Variants in EHMT1 observed in about 807,000 individuals in gnomAD.
EHMT1 encodes euchromatic histone lysine methyltransferase 1.
A neutral mutation model predicts 147.2 loss-of-function variants in EHMT1; 15 were observed. The ratio of observed to expected loss-of-function variants is 0.10; its 90% confidence interval spans 0.07 to 0.16. The LOEUF (loss-of-function observed/expected upper bound fraction) is 0.16. EHMT1 is among the 10% of genes least tolerant of loss of function. The pLI is 1.00. For missense variants in EHMT1, 1,587 were observed against 1,772.4 expected, an observed-to-expected ratio of 0.90 and a Z score of 1.88; for synonymous variants, 795 against 709.6, an observed-to-expected ratio of 1.12 and a Z score of -1.91.
In EHMT1 at chr9:137,834,821, C is replaced by T; in HGVS notation, c.3765C>T (p.Ser1255=). 6.2e-7 allele frequency: 1 copy of T among 1,612,730 alleles called. No homozygotes were observed. Among genetic ancestry groups the T allele is most frequent in the East Asian group, 2.2e-5 (1 of 44,850 alleles). The change falls in exon 27 of 27, where the codon AGC becomes AGT. Residue 1255 remains serine, a synonymous_variant. Coordinates refer to ENST00000460843, the MANE Select transcript of EHMT1 (RefSeq NM_024757.5). ...GGGACATCAAAGGCAAGCTCTTCAG[C>T]TGCCGCTGCGGCTCCCCCAAGTGCC... is the stretch of plus-strand genomic sequence containing the variant. ...RFWDIKGKLF[S]CRCGSPKCRH...
In EHMT1 at chr9:137,811,076, A is replaced by C. The variant is rs575700927; in HGVS notation, c.2713-385A>C. Among the ~76,000 whole-genome samples, 3 of 152,108 alleles carry C rather than the reference A, an allele frequency of 2.0e-5. No individual in the cohort carries two copies. The East Asian group carries it at 5.8e-4, about 29-fold the overall frequency. ...AAGCATTATCCTATCCTATGACTAT[A>C]CCCCTGCTTGGAAATGAATATAATT... is the stretch of plus-strand genomic sequence containing the variant. On this transcript the variant is annotated intron_variant, in intron 18 of 26. Coordinates refer to ENST00000460843, the MANE Select transcript of EHMT1 (RefSeq NM_024757.5).
chr9:137,800,873 C>T lies in EHMT1; in HGVS notation c.2608-7C>T, dbSNP rs1953421064. 1 of 1,613,796 alleles carries T rather than the reference C, an allele frequency of 6.2e-7. No homozygotes were observed. The highest frequency in any genetic ancestry group is 8.5e-7 in the Non-Finnish European group (1 of 1,179,826). On this transcript the variant is annotated splice_polypyrimidine_tract_variant and splice_region_variant and intron_variant, in intron 17 of 26. Coordinates refer to ENST00000460843, the MANE Select transcript of EHMT1 (RefSeq NM_024757.5). The stretch of plus-strand genomic sequence containing the variant: ...AGCGATGACAGCTTTGTCCTCTTCC[C>T]TGGCAGGATGACGGAGGCTGGACAC...
At chr9:137,635,513 C>T (rs1241685736) in intron 1 of EHMT1, among the ~76,000 whole-genome samples, 1 of 150,952 alleles carries the variant, frequency 6.6e-6, no homozygotes, top group East Asian at 2.1e-4. Context: ...CTGCGCTCGG[C>T]CTTCAGTTTT....
intron 25 of EHMT1, among the ~76,000 whole-genome samples, chr9:137,820,529 A>G (rs1211044236): frequency 6.6e-6 from 1 of 152,182 alleles, no homozygotes; most frequent in East Asian, 1.9e-4. Flanking sequence ...GTCTTTTTCT[A>G]AATACTGGGT....
chr9:137,677,616 G>A (rs1271449794), intron 1 of EHMT1, among the ~76,000 whole-genome samples: 2 of 151,964 alleles, frequency 1.3e-5, no homozygotes, highest in South Asian at 2.1e-4. Context: ...TAGTAGAGAC[G>A]GGGTTTCATC....
At chr9:137,686,507 A>G (rs1251421374) in intron 1 of EHMT1, among the ~76,000 whole-genome samples, 1 of 151,714 alleles carries the variant, frequency 6.6e-6, no homozygotes, top group Non-Finnish European at 1.5e-5. Context: ...CTTTCACCTC[A>G]GCCTCCTGAG....
At position 137,775,654 on chromosome 9, in the gene EHMT1, T is replaced by C. The variant is rs562893498; in HGVS notation, c.1791+402T>C. 8.6e-5 allele frequency among the ~76,000 whole-genome samples: 13 copies of C among 151,960 alleles called. No individual in the cohort carries two copies. In the East Asian group the frequency reaches 1.8e-3, roughly 21 times the overall value. Reference sequence around the variant, plus strand: ...CTGTACTGAGGACGTTCATCCCCCATGACAAGGGTGTACTGAGGACATTCA... The same window carrying C: ...CTGTACTGAGGACGTTCATCCCCCACGACAAGGGTGTACTGAGGACATTCA... On this transcript the variant is annotated intron_variant, in intron 11 of 26. Transcript: ENST00000460843. The surrounding 1 kb of genome is among the most constrained non-coding windows in gnomAD (Gnocchi z 6.1).
chr9:137,651,696 G>A (rs540759239), intron 1 of EHMT1, among the ~76,000 whole-genome samples: 1 of 152,286 alleles, frequency 6.6e-6, no homozygotes, highest in African/African-American at 2.4e-5. Context: ...TTGGGAGGCT[G>A]AGGCAGGAGA....
intron 3 of EHMT1, among the ~76,000 whole-genome samples, chr9:137,726,527 G>A (rs1056621602): frequency 5.0e-4 from 75 of 148,766 alleles, no homozygotes; most frequent in African/African-American, 1.9e-3. Context: ...CCCGACAGCC[G>A]ACCCTCGGGT....
At chr9:137,794,291 AAATAT>A (rs1255126769) in intron 16 of EHMT1, among the ~76,000 whole-genome samples, 2 of 152,216 alleles carry the variant, frequency 1.3e-5, no homozygotes, top group Non-Finnish European at 2.9e-5. Context: ...TTTTATAGTT[AAATAT>A]TTGCACATTA....
chr9:137,704,316 C>T (rs892532061), intron 1 of EHMT1, among the ~76,000 whole-genome samples: 1 of 152,252 alleles, frequency 6.6e-6, no homozygotes, highest in African/African-American at 2.4e-5. Context: ...GGAAGGAGCT[C>T]ACTGAGCTCG....
At chr9:137,762,635 T>G in intron 9 of EHMT1, 40 bp from the exon 10 acceptor site, 1 of 1,613,850 alleles carries the variant, frequency 6.2e-7, no homozygotes, top group Non-Finnish European at 8.5e-7. Context: ...TCTTTTGAGG[T>G]CAGGATTGCA....
Position 137,716,748 on chromosome 9 carries a change from G to T in EHMT1, c.208G>T (p.Ala70Ser). ...NSDASSHANA[A>S]KHTQDSARVN... The stretch of plus-strand genomic sequence containing the variant: ...CGATGCCAGCAGTCATGCAAATGCT[G>T]CAAAGCACACTCAGGACAGCGCAAG... The change falls in exon 3 of 27, where the codon GCA (alanine) becomes TCA (serine). Residue 70 changes from alanine to serine, a missense_variant. Coordinates refer to ENST00000460843, the MANE Select transcript of EHMT1 (RefSeq NM_024757.5). 2 of 1,612,860 alleles carry T rather than the reference G, an allele frequency of 1.2e-6. No homozygotes were observed. The highest frequency in any genetic ancestry group is 1.7e-6 in the Non-Finnish European group (2 of 1,179,656).
rs778296046 is a variant in EHMT1 at position 137,813,132 on chromosome 9, G to C, written c.2994G>C (p.Ser998=). The change falls in exon 20 of 27, where the codon TCG becomes TCC. Residue 998 remains serine, a synonymous_variant. Transcript: ENST00000460843. This position sits in a 1 kb window ranked among gnomAD's most constrained non-coding sequence, Gnocchi z 4.9. The stretch of plus-strand genomic sequence containing the variant: ...AGATGAGCAAGGCTCTGCAGGACTC[G>C]GCCCCCGACAGGCCCAGCCCCGTGG... ...ALQMSKALQD[S]APDRPSPVER... is the part of the protein sequence containing the mutation. 3.1e-6 allele frequency: 5 copies of C among 1,612,160 alleles called. No homozygotes were observed. The highest frequency in any genetic ancestry group is 1.6e-4 in the Middle Eastern group (1 of 6,082).
chr9:137,735,595 A>G (rs1947462827), intron 4 of EHMT1, among the ~76,000 whole-genome samples: 1 of 152,220 alleles, frequency 6.6e-6, no homozygotes, highest in South Asian at 2.1e-4. Context: ...TCAAAAGACG[A>G]AGATTGGCAG....
intron 16 of EHMT1, among the ~76,000 whole-genome samples, chr9:137,798,149 C>T (rs2137293151): frequency 6.6e-6 from 1 of 152,260 alleles, no homozygotes; most frequent in East Asian, 1.9e-4. Context: ...AGTTACGATG[C>T]CTACGACTCC....
intron 1 of EHMT1, among the ~76,000 whole-genome samples, chr9:137,645,125 G>A (rs1226559298): frequency 2.6e-5 from 4 of 152,174 alleles, no homozygotes; most frequent in African/African-American, 4.8e-5. Context: ...CGCCTGCCTC[G>A]GCCTCCCGAA....
intron 1 of EHMT1, among the ~76,000 whole-genome samples, chr9:137,696,275 A>C (rs1414501314): frequency 6.6e-6 from 1 of 152,204 alleles, no homozygotes; most frequent in African/African-American, 2.4e-5. Flanking sequence ...GGGCGGGTAG[A>C]GAGTGCTCTT....
chr9:137,829,418 G>A (rs775862818), intron 25 of EHMT1, among the ~76,000 whole-genome samples: 10 of 152,154 alleles, frequency 6.6e-5, no homozygotes, highest in Non-Finnish European at 1.0e-4. Flanking sequence ...TTAGTATCTT[G>A]CTTTATTTGT....
Sources: allele counts gnomAD v4.1 joint callset (sites outside exome capture counted in the v4.1 genomes callset), GRCh38; gene constraint gnomAD v4.1.1; non-coding constraint Gnocchi (gnomAD v3.1); transcripts MANE v1.5; gene names NCBI Gene and HGNC (gene_info 2026-07-23, HGNC 2026-07-21).